CNTNAP2: variants seen among roughly 807,000 people sequenced by gnomAD.
CNTNAP2 encodes contactin associated protein 2, also known as contactin-associated protein-like 2.
A neutral mutation model predicts 155.2 loss-of-function variants in CNTNAP2; 98 were observed. The ratio of observed to expected loss-of-function variants is 0.63; its 90% CI spans 0.54 to 0.75. The LOEUF (loss-of-function observed/expected upper bound fraction) is 0.75, where lower values mean the gene tolerates loss of function less well. CNTNAP2 is among the 30% of genes least tolerant of loss of function. CNTNAP2 has a pLI of 0.00. For synonymous variants in CNTNAP2, 651 were observed against 631.2 expected, an observed-to-expected ratio of 1.03 and a Z score of -0.47; for missense variants, 1,727 against 1,688.1, an observed-to-expected ratio of 1.02 and a Z score of -0.40.
At chr7:147,937,405 GCAC>G (rs1800630682) in intron 14 of CNTNAP2, among the ~76,000 whole-genome samples, 1 of 152,006 alleles carries the variant, frequency 6.6e-6, no homozygotes. Context: ...TGGGCAATAG[GCAC>G]TCAGATCCCA....
At chr7:146,986,269 C>T (rs1430262885) in intron 3 of CNTNAP2, among the ~76,000 whole-genome samples, 4 of 152,100 alleles carry the variant, frequency 2.6e-5, no homozygotes, top group Admixed American at 2.0e-4. Context: ...TTTCCATTCC[C>T]GAGTTACTTC....
chr7:148,315,187 C>T (rs1189187153), intron 21 of CNTNAP2, among the ~76,000 whole-genome samples: 2 of 152,128 alleles, frequency 1.3e-5, no homozygotes, highest in Non-Finnish European at 2.9e-5. Flanking sequence ...TCCCCTGATT[C>T]GAGTCACAGC....
chr7:146,500,677 C>T lies in CNTNAP2; in HGVS notation c.98-273594C>T, dbSNP rs139358004. ...TGTTGGGTTGGTTTCAAAGGGATGG[C>T]TTTGTTTCTTCCTTCTAATTTCGGT... On this transcript the variant is annotated intron_variant, in intron 1 of 23. Transcript: ENST00000361727. Among the ~76,000 whole-genome samples the T allele has an allele frequency of 4.1e-3, 618 of 152,198 alleles. 5 individuals carry two copies. Among genetic ancestry groups the T allele is most frequent in the African/African-American group, 0.014 (574 of 41,536 alleles).
chr7:146,140,769 T>G (rs1797865356), intron 1 of CNTNAP2, among the ~76,000 whole-genome samples: 1 of 152,132 alleles, frequency 6.6e-6, no homozygotes, highest in Non-Finnish European at 1.5e-5. Context: ...TCAGTGATTT[T>G]TCTCTTCCCT....
chr7:146,272,768 C>T (rs965731179), intron 1 of CNTNAP2, among the ~76,000 whole-genome samples: 1 of 151,974 alleles, frequency 6.6e-6, no homozygotes, highest in Non-Finnish European at 1.5e-5. Context: ...GTGACAAAGG[C>T]ATTGATTGTA....
At chr7:147,709,084 G>C (rs1413594385) in intron 13 of CNTNAP2, among the ~76,000 whole-genome samples, 1 of 152,140 alleles carries the variant, frequency 6.6e-6, no homozygotes, top group African/African-American at 2.4e-5. Flanking sequence ...GTGGTCAGCT[G>C]ATGCCTCCAG....
chr7:148,357,420 C>A (rs557677293), intron 21 of CNTNAP2, among the ~76,000 whole-genome samples: 4 of 152,302 alleles, frequency 2.6e-5, no homozygotes, highest in Non-Finnish European at 5.9e-5. Flanking sequence ...CAGACTAATA[C>A]ACCACACATG....
intron 13 of CNTNAP2, among the ~76,000 whole-genome samples, chr7:147,824,661 T>C (rs966788650): frequency 2.0e-5 from 3 of 152,294 alleles, no homozygotes; most frequent in South Asian, 2.1e-4. Context: ...TAAAATGATA[T>C]GATTCTTAAT....
At chr7:146,625,613 G>A (rs764518243) in intron 1 of CNTNAP2, among the ~76,000 whole-genome samples, 6 of 151,870 alleles carry the variant, frequency 4.0e-5, no homozygotes, top group Non-Finnish European at 7.4e-5. Context: ...AATAAAAGAC[G>A]CATTTTAAGA....
intron 1 of CNTNAP2, among the ~76,000 whole-genome samples, chr7:146,556,012 CT>C (rs1193331678): frequency 6.6e-6 from 1 of 152,148 alleles, no homozygotes; most frequent in Non-Finnish European, 1.5e-5. Context: ...TCTTAATAAA[CT>C]TCATTAAATA....
At chr7:147,446,157 G>A (rs763244028) in intron 10 of CNTNAP2, among the ~76,000 whole-genome samples, 21 of 145,338 alleles carry the variant, frequency 1.4e-4, no homozygotes, top group African/African-American at 5.1e-4. Flanking sequence ...GTGAGTCTCT[G>A]TATGTCTCTC....
At chr7:146,704,244 C>A (rs1800924996) in intron 1 of CNTNAP2, among the ~76,000 whole-genome samples, 3 of 152,072 alleles carry the variant, frequency 2.0e-5, no homozygotes, top group Non-Finnish European at 4.4e-5. Context: ...CACACAGTCT[C>A]CAGTATGCTA....
intron 16 of CNTNAP2, among the ~76,000 whole-genome samples, chr7:148,138,706 ATCTGGGACC>A (rs1371039920): frequency 1.3e-5 from 2 of 152,094 alleles, no homozygotes; most frequent in Non-Finnish European, 2.9e-5. Flanking sequence ...CAGAGTAACC[ATCTGGGACC>A]TTTATCTATT....
chr7:148,231,730 A>G (rs1295975395), intron 20 of CNTNAP2, among the ~76,000 whole-genome samples: 1 of 152,146 alleles, frequency 6.6e-6, no homozygotes, highest in African/African-American at 2.4e-5. Context: ...TTAAAATCCC[A>G]GGGAATCTCT....
chr7:146,147,627 A>G (rs1416530664), intron 1 of CNTNAP2, among the ~76,000 whole-genome samples: 1 of 152,150 alleles, frequency 6.6e-6, no homozygotes, highest in Non-Finnish European at 1.5e-5. Flanking sequence ...CAATCCCTTT[A>G]GCCAGCTAGA....
chr7:147,135,989 T>TA (rs1400581484), intron 8 of CNTNAP2, among the ~76,000 whole-genome samples: 6 of 151,232 alleles, frequency 4.0e-5, no homozygotes, highest in Non-Finnish European at 7.4e-5. Flanking sequence ...ATAATGGTAG[T>TA]AAAAAAGCAT....
At chr7:146,679,690 C>T (rs1203964722) in intron 1 of CNTNAP2, among the ~76,000 whole-genome samples, 1 of 152,130 alleles carries the variant, frequency 6.6e-6, no homozygotes, top group South Asian at 2.1e-4. Flanking sequence ...TTCCTCCTTT[C>T]CTTTCTCTGT....
intron 8 of CNTNAP2, among the ~76,000 whole-genome samples, chr7:147,277,479 G>T (rs1804922366): frequency 6.6e-6 from 1 of 151,874 alleles, no homozygotes; most frequent in African/African-American, 2.4e-5. Context: ...ACCAAAATGA[G>T]AATTAAAAAG....
At chr7:146,646,521 T>C (rs1255330470) in intron 1 of CNTNAP2, among the ~76,000 whole-genome samples, 1 of 152,162 alleles carries the variant, frequency 6.6e-6, no homozygotes, top group Non-Finnish European at 1.5e-5. Context: ...TAGGTAAAAG[T>C]ATATATACAC....
Sources: allele counts gnomAD v4.1 joint callset (sites outside exome capture counted in the v4.1 genomes callset), GRCh38; gene constraint gnomAD v4.1.1; transcripts MANE v1.5; gene names NCBI Gene and HGNC (gene_info 2026-07-23, HGNC 2026-07-21).